The following ADAMTSL1 variants were observed in gnomAD, a reference collection of about 807,000 sequenced individuals.
The protein encoded by ADAMTSL1 is ADAMTS-like protein 1.
ADAMTSL1 carries 126 observed loss-of-function variants against 201.8 expected under a neutral mutation model. That is an observed-to-expected ratio of 0.62 (90% CI 0.54 to 0.72). The LOEUF is 0.72. Ranked by LOEUF, ADAMTSL1 falls within the 30% of genes least tolerant of loss-of-function variation. ADAMTSL1 has a pLI of 0.00. For missense variants in ADAMTSL1, 2,679 were observed against 2,277.8 expected (o/e 1.18, Z -3.59); for synonymous variants, 1,121 against 903.4 (o/e 1.24, Z -4.32).
chr9:18,309,684 G>A (rs949196501), intron 2 of ADAMTSL1, among the ~76,000 whole-genome samples: 3 of 151,688 alleles, frequency 2.0e-5, no homozygotes, highest in African/African-American at 4.8e-5. Flanking sequence ...AAATAAGAGA[G>A]GACACAAACA....
chr9:18,268,018 G>A (rs1024137826), intron 2 of ADAMTSL1, among the ~76,000 whole-genome samples: 4 of 152,082 alleles, frequency 2.6e-5, no homozygotes, highest in African/African-American at 4.8e-5. Flanking sequence ...GAAGTAAAAT[G>A]TATTTAATTA....
intron 1 of ADAMTSL1, among the ~76,000 whole-genome samples, chr9:18,003,708 A>G (rs183275281): frequency 7.2e-5 from 11 of 152,192 alleles, no homozygotes; most frequent in Non-Finnish European, 1.5e-4. Flanking sequence ...TAGCAGACAA[A>G]GGTACTTAAG....
At chr9:18,584,972 G>C (rs987709174) in intron 4 of ADAMTSL1, among the ~76,000 whole-genome samples, 29 of 152,088 alleles carry the variant, frequency 1.9e-4, no homozygotes, top group African/African-American at 5.6e-4. Flanking sequence ...AATATACTTT[G>C]GTAACATCTA....
chr9:18,136,278 T>A (rs1826154624), intron 1 of ADAMTSL1, among the ~76,000 whole-genome samples: 1 of 152,170 alleles, frequency 6.6e-6, no homozygotes, highest in African/African-American at 2.4e-5. Context: ...TGGGATTCAT[T>A]TTCATAATTG....
intron 15 of ADAMTSL1, among the ~76,000 whole-genome samples, chr9:18,730,373 G>A (rs927636763): frequency 1.3e-5 from 2 of 152,242 alleles, no homozygotes; most frequent in African/African-American, 4.8e-5. Context: ...GCTCTGATTT[G>A]TATCCAGTAA....
intron 7 of ADAMTSL1, among the ~76,000 whole-genome samples, chr9:18,645,110 G>A (rs1827713280): frequency 6.6e-6 from 1 of 152,070 alleles, no homozygotes; most frequent in African/African-American, 2.4e-5. Context: ...TCTCATTGTG[G>A]TTTTGATTTG....
chr9:17,943,236 C>G (rs180842636), intron 1 of ADAMTSL1, among the ~76,000 whole-genome samples: 2 of 152,108 alleles, frequency 1.3e-5, no homozygotes, highest in African/African-American at 4.8e-5. Context: ...GCCACTGAAC[C>G]CAGCCTGCAA....
intron 2 of ADAMTSL1, among the ~76,000 whole-genome samples, chr9:18,222,938 G>A (rs766306518): frequency 7.2e-5 from 11 of 151,806 alleles, no homozygotes; most frequent in Non-Finnish European, 1.5e-4. Context: ...TGTAATTTTT[G>A]TATCTGTATA....
intron 15 of ADAMTSL1, chr9:18,723,466 A>T: frequency 4.3e-6 from 1 of 230,586 alleles, no homozygotes; most frequent in Non-Finnish European, 8.6e-6. Context: ...CGAATAGGAC[A>T]TGAGATGTTA....
intron 12 of ADAMTSL1, 131 bp downstream of exon 12, chr9:18,682,090 T>A: frequency 9.3e-7 from 1 of 1,076,334 alleles, no homozygotes; most frequent in Non-Finnish European, 1.3e-6. Context: ...TAAACTCTAC[T>A]AAAGGAATTT....
chr9:18,822,576 G>C (rs1368771245), intron 21 of ADAMTSL1, among the ~76,000 whole-genome samples: 1 of 152,114 alleles, frequency 6.6e-6, no homozygotes, highest in Non-Finnish European at 1.5e-5. Context: ...TGGCTGTAGG[G>C]TAGGGAACTG....
At chr9:17,991,950 T>C (rs1266280918) in intron 1 of ADAMTSL1, among the ~76,000 whole-genome samples, 3 of 152,072 alleles carry the variant, frequency 2.0e-5, no homozygotes, top group Non-Finnish European at 4.4e-5. Flanking sequence ...TTGCTCCCCA[T>C]TGGGATGGAG....
chr9:18,662,912 A>G (rs980587172), intron 9 of ADAMTSL1, among the ~76,000 whole-genome samples: 2 of 152,156 alleles, frequency 1.3e-5, no homozygotes, highest in African/African-American at 4.8e-5. Context: ...TATAAGAAAA[A>G]TCTTCCCCTA....
intron 1 of ADAMTSL1, among the ~76,000 whole-genome samples, chr9:17,934,821 C>T (rs909245031): frequency 1.3e-5 from 2 of 150,200 alleles, no homozygotes; most frequent in African/African-American, 4.9e-5. Context: ...TTCTACTTGG[C>T]GCCCCAGACT....
intron 2 of ADAMTSL1, among the ~76,000 whole-genome samples, chr9:18,513,629 T>G (rs1818175413): frequency 1.3e-5 from 2 of 152,234 alleles, no homozygotes; most frequent in Non-Finnish European, 1.5e-5. Flanking sequence ...GTTTCAAGTC[T>G]TATATTTAAG....
chr9:18,382,899 G>A (rs1397124293), intron 2 of ADAMTSL1, among the ~76,000 whole-genome samples: 1 of 152,166 alleles, frequency 6.6e-6, no homozygotes, highest in Non-Finnish European at 1.5e-5. Flanking sequence ...ATGCCAAATT[G>A]AAGGATGACA....
chr9:18,628,247 T>G (rs910459310), intron 5 of ADAMTSL1, among the ~76,000 whole-genome samples: 20 of 152,224 alleles, frequency 1.3e-4, no homozygotes, highest in Non-Finnish European at 2.5e-4. Context: ...TGACCTATTT[T>G]CAGTTATTTT....
intron 2 of ADAMTSL1, among the ~76,000 whole-genome samples, chr9:18,508,486 G>C (rs906822036): frequency 2.0e-5 from 3 of 152,198 alleles, no homozygotes; most frequent in South Asian, 4.1e-4. Flanking sequence ...CTCCATGGAA[G>C]TGTAGTTGTC....
Position 18,337,271 on chromosome 9 carries a change from C to T in ADAMTSL1, c.208-167558C>T, listed in dbSNP as rs146049017. ...CTCTTGGACTTACACTTGTGGTTTG[C>T]CAGGGGCTCTAGGGCCTTCAGCCAC... is the stretch of plus-strand genomic sequence containing the variant. On this transcript the variant is annotated intron_variant, in intron 2 of 29. Coordinates refer to the ADAMTSL1 transcript ENST00000680146. 2.3e-3 allele frequency among the ~76,000 whole-genome samples: 349 copies of T among 152,204 alleles called. 1 individual carries two copies. The highest frequency in any genetic ancestry group is 8.0e-3 in the African/African-American group (333 of 41,522).
Sources: allele counts gnomAD v4.1 joint callset (sites outside exome capture counted in the v4.1 genomes callset), GRCh38; gene constraint gnomAD v4.1.1; transcripts MANE v1.5; gene names NCBI Gene and HGNC (gene_info 2026-07-23, HGNC 2026-07-21).